The following EP400 variants were observed in gnomAD, a reference collection of about 807,000 sequenced individuals.
The protein encoded by EP400 is E1A-binding protein p400.
EP400 carries 105 observed loss-of-function variants against 354.1 expected under a neutral mutation model. The observed-to-expected ratio is 0.30, with a 90% CI of 0.25 to 0.35. EP400 has a LOEUF of 0.35. Ranked by LOEUF, EP400 falls within the 10% of genes least tolerant of loss-of-function variation. EP400 has a pLI of 1.00. For synonymous variants in EP400, 1,646 were observed against 1,716.9 expected, an observed-to-expected ratio of 0.96 and a Z score of 1.02; for missense variants, 3,280 against 4,121.0, an observed-to-expected ratio of 0.80 and a Z score of 5.59.
intron 41 of EP400, 61 bp from the exon 42 acceptor site, chr12:132,053,085 G>T: frequency 6.4e-6 from 10 of 1,558,830 alleles, no homozygotes; most frequent in Non-Finnish European, 8.8e-6. Context: ...TCTAGGGTAC[G>T]TGGTACTTGT....
chr12:131,971,205 TA>T (rs951437451), intron 2 of EP400, among the ~76,000 whole-genome samples: 36 of 149,454 alleles, frequency 2.4e-4, no homozygotes, highest in Non-Finnish European at 4.5e-4. Flanking sequence ...CCCTGTCTCT[TA>T]AAAAAAAAAG....
intron 5 of EP400, among the ~76,000 whole-genome samples, chr12:131,985,560 A>G (rs962449731): frequency 3.3e-5 from 5 of 152,208 alleles, no homozygotes; most frequent in African/African-American, 1.2e-4. Context: ...ACAGAGTCGC[A>G]GCAGTTCTCT....
In EP400 at chr12:132,021,269, C is replaced by A; in HGVS notation, c.4638C>A (p.Ser1546Arg). Reference protein sequence around the residue: ...PQAPSHAAGQSALPQRLVLPS... With the variant: ...PQAPSHAAGQRALPQRLVLPS... The stretch of plus-strand genomic sequence containing the variant: ...CCCCCTCGCACGCGGCCGGGCAGAG[C>A]GCGCTGCCTCAGAGGCTGGTGCTCC... The change falls in exon 23 of 53, where the codon AGC (serine) becomes AGA (arginine). Residue 1546 changes from serine to arginine, a missense_variant. Ser to Arg is a moderately radical substitution (Grantham distance 110, BLOSUM62 -1). Transcript: ENST00000389561. 3 of 1,532,132 alleles carry A rather than the reference C, an allele frequency of 2.0e-6. No individual in the cohort carries two copies. Among genetic ancestry groups the A allele is most frequent in the Non-Finnish European group, 8.7e-7 (1 of 1,145,286 alleles). 94.9% of individuals were successfully genotyped at this position (1,532,132 alleles called of 1,614,324 possible).
chr12:132,013,312 C>T lies in EP400; in HGVS notation c.3611+134C>T. On this transcript the variant is annotated intron_variant, in intron 17 of 52. Coordinates refer to ENST00000389561, the MANE Select transcript of EP400 (RefSeq NM_015409.5). The surrounding 1 kb of genome is among the most constrained non-coding windows in gnomAD (Gnocchi z 4.5). ...GAATTGCTTTTCATCTTCATCCCAG[C>T]ACATGGGCCAGAGAGCCCCAGAGCT... 7.1e-7 allele frequency: 1 copy of T among 1,418,086 alleles called. No individual in the cohort carries two copies. Among genetic ancestry groups the T allele is most frequent in the Admixed American group, 2.4e-5 (1 of 41,802 alleles). The allele number at this position is 1,418,086 out of a possible 1,614,324, so 87.8% of individuals were successfully genotyped here.
At chr12:132,039,805 G>A (rs1894837511) in intron 32 of EP400, among the ~76,000 whole-genome samples, 1 of 152,234 alleles carries the variant, frequency 6.6e-6, no homozygotes, top group African/African-American at 2.4e-5. Flanking sequence ...TTGGGAAGCC[G>A]AGGCTGGAGG....
chr12:132,030,215 C>G, intron 29 of EP400, 57 bp downstream of exon 29: 2 of 1,585,214 alleles, frequency 1.3e-6, no homozygotes, highest in African/African-American at 1.3e-5. Context: ...TGTTGAATGC[C>G]TAAGTGCTGT....
intron 1 of EP400, among the ~76,000 whole-genome samples, chr12:131,950,938 C>T (rs1891455526): frequency 6.6e-6 from 1 of 151,726 alleles, no homozygotes; most frequent in African/African-American, 2.4e-5. Flanking sequence ...CTCTCTCTGT[C>T]ACCCAGGCTG....
chr12:132,066,663 T>C, intron 48 of EP400, 111 bp from the exon 49 acceptor site: 1 of 1,168,254 alleles, frequency 8.6e-7, no homozygotes, highest in Non-Finnish European at 1.2e-6. Flanking sequence ...ACTTTAAACT[T>C]TGTTGATCTT....
At position 132,032,148 on chromosome 12, in the gene EP400, A is replaced by C. The variant is rs1400416516; in HGVS notation, c.5950A>C (p.Arg1984=). The C allele has an allele frequency of 1.8e-5, 29 of 1,612,218 alleles. No homozygotes were observed. The highest frequency in any genetic ancestry group is 2.5e-5 in the Non-Finnish European group (29 of 1,178,754). ...IGRCKDIHIY[R]LVSGNSIEEK... ...GAGATGCAAAGACATCCACATATAC[A>C]GGTGAGGGCCTGCGGGGGATAGGAT... is the stretch of plus-strand genomic sequence containing the variant. The change falls in exon 30 of 53, where the codon AGG becomes CGG. Residue 1984 remains arginine, a splice_region_variant and synonymous_variant. Transcript: ENST00000389561.
intron 39 of EP400, among the ~76,000 whole-genome samples, chr12:132,048,456 T>C (rs1464323457): frequency 6.6e-6 from 1 of 152,194 alleles, no homozygotes; most frequent in East Asian, 1.9e-4. Context: ...TGTCTTCTTT[T>C]ATAGCTGATT....
Position 132,052,450 on chromosome 12 carries a change from C to T in EP400, c.7395-696C>T, listed in dbSNP as rs903226443. Among the ~76,000 whole-genome samples the T allele has an allele frequency of 3.3e-5, 5 of 152,256 alleles. No homozygotes were observed. The highest frequency in any genetic ancestry group is 9.6e-5 in the African/African-American group (4 of 41,470). On this transcript the variant is annotated intron_variant, in intron 41 of 52. Transcript: ENST00000389561. The surrounding 1 kb of genome is among the most constrained non-coding windows in gnomAD (Gnocchi z 4.4). ...GGTGCTCCCTGAGTGTGCTGGCAGC[C>T]GCGCCCCAGCCCTTCACTTAACTGC...
At chr12:132,049,515 G>A (rs1895224643) in intron 39 of EP400, among the ~76,000 whole-genome samples, 1 of 152,182 alleles carries the variant, frequency 6.6e-6, no homozygotes. Context: ...ATGTATACAT[G>A]TACCTGCACA....
chr12:132,003,574 T>C (rs1174234597), intron 12 of EP400, among the ~76,000 whole-genome samples: 1 of 152,248 alleles, frequency 6.6e-6, no homozygotes, highest in African/African-American at 2.4e-5. Flanking sequence ...GTGTATTGTT[T>C]GTTCTGAGAC....
chr12:132,043,426 A>G lies in EP400; in HGVS notation c.6330A>G (p.Pro2110=). Residue 2110 remains proline, a synonymous_variant, in exon 33 of 53, where the codon CCA becomes CCG. Coordinates refer to ENST00000389561, the MANE Select transcript of EP400 (RefSeq NM_015409.5). ...DSENMPCDEE[P]SQLEELADFM... ...AGAACATGCCGTGTGATGAAGAACCATCCCAATTAGAGGAGCTAGCTGACT... is the reference window on the plus strand; with the variant it reads ...AGAACATGCCGTGTGATGAAGAACCGTCCCAATTAGAGGAGCTAGCTGACT... The G allele has an allele frequency of 6.2e-7, 1 of 1,613,446 alleles. No homozygotes were observed. The highest frequency in any genetic ancestry group is 8.5e-7 in the Non-Finnish European group (1 of 1,180,034).
At chr12:131,995,012 A>G in intron 12 of EP400, 56 bp downstream of exon 12, 1 of 1,476,344 alleles carries the variant, frequency 6.8e-7, no homozygotes, top group African/African-American at 1.4e-5. Context: ...CATTTAAAAC[A>G]TGTGAGATGT....
rs149602432 is a variant in EP400, at chr12:132,051,290, C to G, written c.7394+635C>G. On this transcript the variant is annotated intron_variant, in intron 41 of 52. Transcript: ENST00000389561. ...TCTGTAGGCTCCAACCCTACAGGGT[C>G]GGTGGGTTTCTCCCCGTGTGCGGAG... is the stretch of plus-strand genomic sequence containing the variant. Among the ~76,000 whole-genome samples, 1,086 of 152,192 alleles carry G rather than the reference C, an allele frequency of 7.1e-3. 35 individuals are homozygous for G. In the South Asian group the frequency reaches 0.094, roughly 13 times the overall value.
In EP400 at chr12:131,981,504, C is replaced by T. The variant is rs199535412; in HGVS notation, c.1451C>T (p.Pro484Leu). ...STGMAEQSKR[P>L]RLEVGHQGVV... is the part of the protein sequence containing the mutation. ...ATTATTCTAGAGCAGTCTAAGAGGC[C>T]TCGCCTTGAAGTGGGTCACCAAGGG... The change falls in exon 4 of 53, where the codon CCT becomes CTT. Residue 484 changes from proline to leucine, a missense_variant. By Grantham distance (98) the Pro-to-Leu change is moderately conservative. Coordinates refer to ENST00000389561, the MANE Select transcript of EP400 (RefSeq NM_015409.5). The T allele has an allele frequency of 2.0e-4, 317 of 1,581,250 alleles. No homozygotes were observed. The highest frequency in any genetic ancestry group is 1.8e-3 in the Middle Eastern group (11 of 6,018).
At position 132,037,762 on chromosome 12, in the gene EP400, GAAATGACTA is replaced by G; in HGVS notation, c.6033_6041del (p.Asn2012_Tyr2014del). On this transcript the variant is annotated inframe_deletion, in exon 31 of 53. Coordinates refer to ENST00000389561, the MANE Select transcript of EP400 (RefSeq NM_015409.5). Reference sequence around the variant, plus strand: ...CTGATCCGAGAAGTGGCTGCTCAGGGAAATGACTACTCCATGGCTTTCTTAACTCAGGTA... The same window carrying G: ...CTGATCCGAGAAGTGGCTGCTCAGGGCTCCATGGCTTTCTTAACTCAGGTA... The G allele has an allele frequency of 6.2e-7, 1 of 1,614,252 alleles. No homozygotes were observed.
At chr12:132,003,191 T>C (rs1362055722) in intron 12 of EP400, among the ~76,000 whole-genome samples, 8 of 139,970 alleles carry the variant, frequency 5.7e-5, no homozygotes, top group East Asian at 2.1e-4. Context: ...AAAAGAAATA[T>C]TAAAAAAAAA....
Sources: gnomAD v4.1 joint callset for allele counts (sites outside exome capture counted in the v4.1 genomes callset) on GRCh38, gnomAD v4.1.1 for gene constraint, Gnocchi (gnomAD v3.1) non-coding constraint, MANE v1.5 for transcripts, NCBI Gene and HGNC (gene_info 2026-07-23, HGNC 2026-07-21) for gene names.